Variants in PCDHGB2 observed in about 807,000 individuals in gnomAD.
The protein encoded by PCDHGB2 is protocadherin gamma subfamily B, 2.
PCDHGB2 carries 55 observed loss-of-function variants against 59.3 expected under a neutral mutation model. The observed-to-expected ratio is 0.93, with a 90% CI of 0.75 to 1.16. The LOEUF is 1.16. Among genes scored for constraint, PCDHGB2 ranks in the 50% most tolerant of loss-of-function variants. The pLI is 0.00. For synonymous variants in PCDHGB2, 516 were observed against 512.0 expected, an observed-to-expected ratio of 1.01 and a Z score of -0.11; for missense variants, 1,228 against 1,198.5, an observed-to-expected ratio of 1.02 and a Z score of -0.36.
intron 1 of PCDHGB2, chr5:141,414,112 T>C (rs967826724): frequency 1.3e-6 from 2 of 1,592,428 alleles, no homozygotes; most frequent in African/African-American, 2.7e-5. Context: ...AAATCTAGAT[T>C]ATGAAGAAAC....
At chr5:141,384,901 A>G in intron 1 of PCDHGB2, 1 of 1,613,838 alleles carries the variant, frequency 6.2e-7, no homozygotes, top group South Asian at 1.1e-5. Flanking sequence ...GGCTGACAGC[A>G]TCCCCGAAGT....
chr5:141,382,777 C>T (rs1778426057), intron 1 of PCDHGB2: 3 of 822,272 alleles, frequency 3.6e-6, no homozygotes, highest in South Asian at 2.0e-5. Flanking sequence ...CTGCACTAAA[C>T]TCAAGCCTCT....
chr5:141,410,796 G>T, intron 1 of PCDHGB2: 19 of 640,732 alleles, frequency 3.0e-5, no homozygotes, highest in South Asian at 1.4e-4. Flanking sequence ...TTCATAAGTT[G>T]CTCTATCTTT....
At chr5:141,390,827 A>C (rs1026985432) in intron 1 of PCDHGB2, 1 of 164,666 alleles carries the variant, frequency 6.1e-6, no homozygotes, top group African/African-American at 2.4e-5. Flanking sequence ...TTTTATGTCC[A>C]TGGACCCCTT....
chr5:141,446,747 G>A (rs997132200), intron 1 of PCDHGB2, among the ~76,000 whole-genome samples: 10 of 152,190 alleles, frequency 6.6e-5, no homozygotes, highest in African/African-American at 1.4e-4. Context: ...GATTACAGGC[G>A]TGAGCCACCG....
intron 1 of PCDHGB2, among the ~76,000 whole-genome samples, chr5:141,482,188 G>C (rs1178289472): frequency 2.6e-5 from 4 of 152,122 alleles, no homozygotes; most frequent in African/African-American, 9.7e-5. Context: ...CGATGCTCCA[G>C]TTCTAGTAAA....
At chr5:141,381,763 A>G (rs1419623732) in intron 1 of PCDHGB2, among the ~76,000 whole-genome samples, 2 of 151,122 alleles carry the variant, frequency 1.3e-5, no homozygotes, top group Non-Finnish European at 2.9e-5. Context: ...CTACTACTAT[A>G]TAATCAATAA....
chr5:141,486,169 A>T lies in PCDHGB2; in HGVS notation c.2422-8638A>T. On this transcript the variant is annotated intron_variant, in intron 1 of 3. Transcript: ENST00000522605. The surrounding 1 kb of genome is among the most constrained non-coding windows in gnomAD (Gnocchi z 5.0). ...ATGGGGGTTCTCCAGCCATGGAGCA[A>T]CATTGCAGCCTTCGAGTGGATCTGC... 1 of 1,614,206 alleles carries T rather than the reference A, an allele frequency of 6.2e-7. No homozygotes were observed. Among genetic ancestry groups the T allele is most frequent in the Non-Finnish European group, 8.5e-7 (1 of 1,180,032 alleles).
intron 1 of PCDHGB2, chr5:141,410,045 G>A (rs962300160): frequency 1.9e-6 from 3 of 1,613,048 alleles, no homozygotes; most frequent in African/African-American, 1.3e-5. Context: ...CAGTGAGCCC[G>A]GACTCTTCAG....
intron 1 of PCDHGB2, chr5:141,385,308 C>G: frequency 1.9e-6 from 3 of 1,612,216 alleles, no homozygotes; most frequent in Non-Finnish European, 2.5e-6. Context: ...GTAAAGAAAA[C>G]CTGCCAAGTA....
intron 1 of PCDHGB2, among the ~76,000 whole-genome samples, chr5:141,455,808 A>G (rs2098832210): frequency 6.6e-6 from 1 of 152,050 alleles, no homozygotes; most frequent in Non-Finnish European, 1.5e-5. Flanking sequence ...TAAAAAATGA[A>G]AACTTCCCAA....
rs555568322 is a variant in PCDHGB2, at chr5:141,366,458, G to T, written c.2421+3902G>T. On this transcript the variant is annotated intron_variant, in intron 1 of 3. Transcript: ENST00000522605. ...CTGCGTCTTCCTGGCCTTCGTCATC[G>T]TGCTGCTGGTGCTCAGACTGAGGCG... 12 of 1,614,210 alleles carry T rather than the reference G, an allele frequency of 7.4e-6. No individual in the cohort carries two copies. Among genetic ancestry groups the T allele is most frequent in the African/African-American group, 1.3e-5 (1 of 75,068 alleles).
chr5:141,363,908 A>C (rs1266423621), intron 1 of PCDHGB2, among the ~76,000 whole-genome samples: 6 of 152,234 alleles, frequency 3.9e-5, no homozygotes, highest in Non-Finnish European at 8.8e-5. Context: ...GCATTAAATA[A>C]AATTTTTGTA....
chr5:141,387,559 A>G, intron 1 of PCDHGB2: 1 of 421,914 alleles, frequency 2.4e-6, no homozygotes, highest in South Asian at 5.1e-5. Flanking sequence ...TCAGTTAGGC[A>G]CACAATTATA....
intron 1 of PCDHGB2, chr5:141,374,945 A>C (rs779694385): frequency 6.2e-7 from 1 of 1,614,034 alleles, no homozygotes; most frequent in Admixed American, 1.7e-5. Context: ...TACAGAAAAG[A>C]TCTCACAAAT....
At chr5:141,364,645 C>A (rs1036042236) in intron 1 of PCDHGB2, 1 of 1,614,078 alleles carries the variant, frequency 6.2e-7, no homozygotes, top group Non-Finnish European at 8.5e-7. Flanking sequence ...GTGTGGTGAA[C>A]TTTAACATCT....
intron 1 of PCDHGB2, chr5:141,393,217 T>C (rs760159490): frequency 1.2e-6 from 2 of 1,613,564 alleles, no homozygotes; most frequent in Admixed American, 3.3e-5. Flanking sequence ...AAATTCCAGG[T>C]CGAAGATCTA....
intron 1 of PCDHGB2, chr5:141,403,246 G>C: frequency 6.2e-7 from 1 of 1,613,930 alleles, no homozygotes; most frequent in South Asian, 1.1e-5. Flanking sequence ...TCTGTGCTCA[G>C]AGCCCGCGGT....
At chr5:141,365,237 A>G (rs765751985) in intron 1 of PCDHGB2, 2 of 1,613,962 alleles carry the variant, frequency 1.2e-6, no homozygotes, top group East Asian at 4.5e-5. Flanking sequence ...GGAAATCTCA[A>G]CTCTACAATC....
Sources: allele counts gnomAD v4.1 joint callset (sites outside exome capture counted in the v4.1 genomes callset), GRCh38; gene constraint gnomAD v4.1.1; non-coding constraint Gnocchi (gnomAD v3.1); transcripts MANE v1.5; gene names NCBI Gene and HGNC (gene_info 2026-07-23, HGNC 2026-07-21).